The following LOXHD1 variants were observed in gnomAD, a reference collection of about 807,000 sequenced individuals.
The protein encoded by LOXHD1 is lipoxygenase homology domain-containing protein 1.
LOXHD1 carries 205 observed loss-of-function variants against 248.2 expected under a neutral mutation model. The ratio of observed to expected loss-of-function variants is 0.83; its 90% CI spans 0.74 to 0.93. The LOEUF (loss-of-function observed/expected upper bound fraction) is 0.93, where lower values mean the gene tolerates loss of function less well. Ranked by LOEUF, LOXHD1 falls within the 40% of genes least tolerant of loss-of-function variation. The pLI, the probability that LOXHD1 is intolerant of heterozygous loss-of-function variation, is 0.00. For synonymous variants in LOXHD1, 1,113 were observed against 1,162.8 expected (o/e 0.96, Z 0.87); for missense variants, 2,930 against 2,971.6 (o/e 0.99, Z 0.33).
intron 34 of LOXHD1, 115 bp downstream of exon 34, chr18:46,518,014 A>T: frequency 7.8e-7 from 1 of 1,287,774 alleles, no homozygotes; most frequent in Non-Finnish European, 1.1e-6. Context: ...CAGAGGAAGG[A>T]AGGCCTCATG....
chr18:46,527,699 A>G (rs766374671), intron 29 of LOXHD1, among the ~76,000 whole-genome samples: 21 of 152,204 alleles, frequency 1.4e-4, no homozygotes, highest in Admixed American at 1.3e-4. Flanking sequence ...TGGAAAGAGG[A>G]GGATAGGACT....
intron 2 of LOXHD1, among the ~76,000 whole-genome samples, chr18:46,647,727 G>A (rs756573811): frequency 2.0e-5 from 3 of 152,182 alleles, no homozygotes; most frequent in South Asian, 2.1e-4. Context: ...CAGCATGGAC[G>A]CTATAGCCCA....
intron 2 of LOXHD1, among the ~76,000 whole-genome samples, chr18:46,648,594 G>T (rs1009966663): frequency 6.6e-6 from 1 of 152,164 alleles, no homozygotes; most frequent in Non-Finnish European, 1.5e-5. Flanking sequence ...GCAGTGGGGG[G>T]AAAGGATCCG....
At chr18:46,545,484 A>T in intron 22 of LOXHD1, 63 bp from the exon 23 acceptor site, 1 of 1,271,094 alleles carries the variant, frequency 7.9e-7, no homozygotes. Context: ...AGGAGGAAAG[A>T]GGACAGCCAC....
intron 34 of LOXHD1, among the ~76,000 whole-genome samples, chr18:46,517,458 A>G (rs1369817025): frequency 1.3e-5 from 2 of 152,128 alleles, no homozygotes; most frequent in African/African-American, 4.8e-5. Context: ...TTGGGTTATT[A>G]TTATAGGGTT....
chr18:46,483,979 A>T (rs76622403), intron 39 of LOXHD1, among the ~76,000 whole-genome samples: 5,519 of 152,192 alleles, frequency 0.036, 124 homozygotes, highest in South Asian at 0.069. Context: ...GAATGGTGAC[A>T]TCGTTATGCA....
chr18:46,650,972 G>A (rs2039103460), intron 1 of LOXHD1, among the ~76,000 whole-genome samples: 1 of 152,228 alleles, frequency 6.6e-6, no homozygotes, highest in African/African-American at 2.4e-5. Context: ...TAGAGATGAT[G>A]TATGAAAAGC....
intron 21 of LOXHD1, among the ~76,000 whole-genome samples, chr18:46,551,908 G>A (rs778627850): frequency 6.6e-6 from 1 of 152,184 alleles, no homozygotes; most frequent in African/African-American, 2.4e-5. Context: ...CTACAACACG[G>A]ATGAAGCTTG....
Position 46,542,874 on chromosome 18 carries a change from C to CA in LOXHD1, c.3620-20dup. 1 of 1,551,684 alleles carries CA rather than the reference C, an allele frequency of 6.4e-7. No homozygotes were observed. Among genetic ancestry groups the CA allele is most frequent in the South Asian group, 1.2e-5 (1 of 84,050 alleles). ...GTCATTCCTGTGGATCAGATGACCC[C>CA]AGCATGACTGGCTGGACCTGAGGCC... On this transcript the variant is annotated intron_variant, in intron 23 of 40. Transcript: ENST00000642948.
chr18:46,538,275 T>A lies in LOXHD1; in HGVS notation c.3976A>T (p.Ile1326Phe). 1.3e-6 allele frequency: 2 copies of A among 1,551,542 alleles called. No homozygotes were observed. Among genetic ancestry groups the A allele is most frequent in the Non-Finnish European group, 1.7e-6 (2 of 1,146,834 alleles). The change falls in exon 26 of 41, where the codon ATC (isoleucine) becomes TTC (phenylalanine). Residue 1326 changes from isoleucine to phenylalanine, a missense_variant. Coordinates refer to ENST00000642948, the MANE Select transcript of LOXHD1 (RefSeq NM_001384474.1). ...DVFAAGTDAN[I>F]FIIIYGCDAV... ...TCGCAGCCATAGATGATGATGAAGA[T>A]GTTGGCATCTGTCCCAGCAGCAAAG...
intron 34 of LOXHD1, among the ~76,000 whole-genome samples, chr18:46,514,966 G>T (rs1321858786): frequency 6.6e-6 from 1 of 152,068 alleles, no homozygotes; most frequent in Non-Finnish European, 1.5e-5. Context: ...TACCTTTTAG[G>T]GCATCATATT....
intron 37 of LOXHD1, among the ~76,000 whole-genome samples, chr18:46,495,011 G>A (rs2033760777): frequency 6.6e-6 from 1 of 151,790 alleles, no homozygotes; most frequent in South Asian, 2.1e-4. Context: ...CCGCCACTGC[G>A]CCCGGCTTTT....
intron 15 of LOXHD1, among the ~76,000 whole-genome samples, chr18:46,570,628 A>G (rs1226957070): frequency 2.6e-5 from 4 of 152,198 alleles, no homozygotes; most frequent in African/African-American, 9.6e-5. Flanking sequence ...TCTTTCTTGT[A>G]CTATTTTCCA....
intron 21 of LOXHD1, 125 bp from the exon 22 acceptor site, chr18:46,547,183 G>T: frequency 1.9e-6 from 2 of 1,072,948 alleles, no homozygotes; most frequent in Non-Finnish European, 2.7e-6. Flanking sequence ...GCCCCTGACA[G>T]CATTGCCCTG....
In LOXHD1 at chr18:46,591,937, C is replaced by T. The variant is rs1471889896; in HGVS notation, c.1650G>A (p.Met550Ile). The T allele has an allele frequency of 6.4e-7, 1 of 1,551,780 alleles. No individual in the cohort carries two copies. Among genetic ancestry groups the T allele is most frequent in the Admixed American group, 2.0e-5 (1 of 51,012 alleles). Residue 550 changes from methionine (M) to isoleucine (I), a missense_variant, in exon 12 of 41, where the codon ATG (methionine) becomes ATA (isoleucine). By Grantham distance (10) the Met-to-Ile change is conservative. Transcript: ENST00000642948. ...TAEGPTVRRI[M>I]GMARYHVTVC... ...GGAGAGCCTGTCAGTACTTACTGCC[C>T]ATGATCCTGCGCACTGTTGGGCCTT...
chr18:46,610,638 C>T (rs1773718463), intron 6 of LOXHD1, 138 bp downstream of exon 6: 3 of 933,924 alleles, frequency 3.2e-6, no homozygotes, highest in African/African-American at 3.4e-5. Context: ...GACAGAATGG[C>T]TGGCCATCTG....
chr18:46,617,910 G>T (rs1232323561), intron 5 of LOXHD1, among the ~76,000 whole-genome samples: 1 of 152,202 alleles, frequency 6.6e-6, no homozygotes, highest in Non-Finnish European at 1.5e-5. Context: ...GAGATGTGAA[G>T]CTTGGGAGTG....
intron 40 of LOXHD1, among the ~76,000 whole-genome samples, chr18:46,478,696 T>G (rs940548143): frequency 3.3e-5 from 5 of 152,170 alleles, no homozygotes; most frequent in Middle Eastern, 3.2e-3. Context: ...GTATTTTTAA[T>G]TTTTATTTTC....
At position 46,584,139 on chromosome 18, in the gene LOXHD1, T is replaced by A. The variant is rs568245177; in HGVS notation, c.1655-4355A>T. Among the ~76,000 whole-genome samples, 17 of 151,578 alleles carry A rather than the reference T, an allele frequency of 1.1e-4. No homozygotes were observed. The East Asian group carries it at 1.2e-3, about 10-fold the overall frequency. ...GTGATTTCACCCATGTGGAATATTT[T>A]AAAAAAAAGAGAGAGAGAGATAAGT... On this transcript the variant is annotated intron_variant, in intron 12 of 40. Transcript: ENST00000642948.
Sources: gnomAD v4.1 joint callset for allele counts (sites outside exome capture counted in the v4.1 genomes callset) on GRCh38, gnomAD v4.1.1 for gene constraint, MANE v1.5 for transcripts, NCBI Gene and HGNC (gene_info 2026-07-23, HGNC 2026-07-21) for gene names.